Variants in PRKCE observed in about 807,000 individuals in gnomAD.
PRKCE encodes the protein protein kinase C epsilon.
Under a neutral mutation model 85.4 loss-of-function variants are expected in PRKCE, and 16 were observed. The observed-to-expected ratio is 0.19, with a 90% confidence interval of 0.13 to 0.28. The LOEUF (loss-of-function observed/expected upper bound fraction) is 0.28, where lower values mean the gene tolerates loss of function less well. Ranked by LOEUF, PRKCE falls within the 10% of genes least tolerant of loss-of-function variation. The probability of loss-of-function intolerance (pLI) is 1.00; values close to 1 mark genes in which losing one functional copy is unlikely to be tolerated. For missense variants in PRKCE, 573 were observed against 975.2 expected (o/e 0.59, Z 5.49); for synonymous variants, 388 against 371.5 (o/e 1.04, Z -0.51).
At chr2:46,065,263 T>C (rs923303002) in intron 10 of PRKCE, among the ~76,000 whole-genome samples, 12 of 152,032 alleles carry the variant, frequency 7.9e-5, no homozygotes, top group Non-Finnish European at 5.9e-5. Context: ...TTATCTAGTA[T>C]TCAGGGGCCA....
chr2:46,095,330 G>A (rs964957833), intron 11 of PRKCE, among the ~76,000 whole-genome samples: 2 of 152,106 alleles, frequency 1.3e-5, no homozygotes, highest in Non-Finnish European at 2.9e-5. Context: ...TAGAGGACCC[G>A]GCTTCCAGAA....
intron 11 of PRKCE, among the ~76,000 whole-genome samples, chr2:46,105,268 A>G (rs892351371): frequency 1.3e-5 from 2 of 152,054 alleles, no homozygotes; most frequent in African/African-American, 4.8e-5. Context: ...TTGCTTTATC[A>G]TATAACTTCC....
chr2:45,946,687 A>G (rs1043791698), intron 2 of PRKCE, among the ~76,000 whole-genome samples: 14 of 152,188 alleles, frequency 9.2e-5, no homozygotes, highest in African/African-American at 1.9e-4. Flanking sequence ...CAGAGGAACC[A>G]GGTTGTGATA....
At chr2:46,015,251 A>G (rs982901348) in intron 10 of PRKCE, among the ~76,000 whole-genome samples, 1 of 152,116 alleles carries the variant, frequency 6.6e-6, no homozygotes, top group Admixed American at 6.6e-5. Context: ...AGTTACAGGA[A>G]ATGAAATTCC....
intron 1 of PRKCE, among the ~76,000 whole-genome samples, chr2:45,783,397 C>A (rs376760123): frequency 4.8e-4 from 73 of 152,322 alleles, no homozygotes; most frequent in African/African-American, 1.6e-3. Context: ...CCGAAGGCTG[C>A]ACCCTGTTGG....
chr2:45,922,653 C>G lies in PRKCE; in HGVS notation c.413-53776C>G, dbSNP rs187559218. On this transcript the variant is annotated intron_variant, in intron 2 of 14. Coordinates refer to ENST00000306156, the MANE Select transcript of PRKCE (RefSeq NM_005400.3). Reference sequence around the variant, plus strand: ...GCCCAGCAGCAACTGCCTGGGGTGCCGTCAGCTCAAGCTGCACTTACCATG... The same window carrying G: ...GCCCAGCAGCAACTGCCTGGGGTGCGGTCAGCTCAAGCTGCACTTACCATG... Among the ~76,000 whole-genome samples, 1,076 of 152,264 alleles carry G rather than the reference C, an allele frequency of 7.1e-3. 7 individuals carry two copies. Among genetic ancestry groups the G allele is most frequent in the Non-Finnish European group, 0.011 (769 of 68,002 alleles).
At chr2:46,156,008 A>C (rs1366203184) in intron 13 of PRKCE, among the ~76,000 whole-genome samples, 3 of 151,366 alleles carry the variant, frequency 2.0e-5, no homozygotes, top group Non-Finnish European at 4.4e-5. Context: ...AGTATATAAA[A>C]AAAAAAAAAA....
chr2:45,688,074 C>G (rs533567909), intron 1 of PRKCE, among the ~76,000 whole-genome samples: 1 of 152,310 alleles, frequency 6.6e-6, no homozygotes, highest in South Asian at 2.1e-4. Flanking sequence ...TCTTGACACC[C>G]AGCAAATAAG....
rs575913130 is a variant in PRKCE at position 46,157,704 on chromosome 2, A to T, written c.1921-1902A>T. Among the ~76,000 whole-genome samples the T allele has an allele frequency of 2.6e-5, 4 of 152,350 alleles. 1 individual carries two copies. Among genetic ancestry groups the T allele is most frequent in the South Asian group, 4.1e-4 (2 of 4,826 alleles). On this transcript the variant is annotated intron_variant, in intron 13 of 14. Coordinates refer to ENST00000306156, the MANE Select transcript of PRKCE (RefSeq NM_005400.3). ...TCTGGCTCAGGGGCAGCTTCTTAAGATGCCCAAACCTCTATGTGTATCCCT... is the reference window on the plus strand; with the variant it reads ...TCTGGCTCAGGGGCAGCTTCTTAAGTTGCCCAAACCTCTATGTGTATCCCT...
intron 2 of PRKCE, among the ~76,000 whole-genome samples, chr2:45,844,373 C>G (rs1215982553): frequency 6.6e-6 from 1 of 152,214 alleles, no homozygotes; most frequent in Admixed American, 6.5e-5. Flanking sequence ...TCTCTGCTCT[C>G]AGCTCTGAAC....
chr2:46,185,140 T>C lies in PRKCE; in HGVS notation c.*259T>C. On this transcript the variant is annotated 3_prime_UTR_variant, in exon 15 of 15. Coordinates refer to ENST00000306156, the MANE Select transcript of PRKCE (RefSeq NM_005400.3). This position sits in a 1 kb window ranked among gnomAD's most constrained non-coding sequence, Gnocchi z 4.7. Reference sequence around the variant, plus strand: ...GCAATTAGCTGTATACACTGCCGTGTTTGGACCATTGGCAAGCCTGGTTCC... The same window carrying C: ...GCAATTAGCTGTATACACTGCCGTGCTTGGACCATTGGCAAGCCTGGTTCC... 2.3e-6 allele frequency: 1 copy of C among 426,576 alleles called. No homozygotes were observed. The highest frequency in any genetic ancestry group is 4.2e-6 in the Non-Finnish European group (1 of 240,508). 26.4% of individuals were successfully genotyped at this position (426,576 alleles called of 1,614,324 possible).
At chr2:46,106,571 A>C (rs921899408) in intron 11 of PRKCE, among the ~76,000 whole-genome samples, 1 of 152,258 alleles carries the variant, frequency 6.6e-6, no homozygotes, top group Non-Finnish European at 1.5e-5. Flanking sequence ...TCCAAGGGCC[A>C]TAACAGAAGT....
chr2:46,020,848 C>T (rs928069862), intron 10 of PRKCE, among the ~76,000 whole-genome samples: 7 of 152,156 alleles, frequency 4.6e-5, no homozygotes, highest in African/African-American at 1.4e-4. Flanking sequence ...GAAGGAGAGA[C>T]GTATTTATTG....
intron 2 of PRKCE, among the ~76,000 whole-genome samples, chr2:45,896,286 G>A (rs977490106): frequency 2.6e-5 from 4 of 152,278 alleles, no homozygotes; most frequent in Non-Finnish European, 4.4e-5. Context: ...GTCTGGCCTC[G>A]AACTCTGGAG....
At chr2:46,019,252 G>GT (rs957372223) in intron 10 of PRKCE, among the ~76,000 whole-genome samples, 1 of 152,060 alleles carries the variant, frequency 6.6e-6, no homozygotes. Flanking sequence ...GCCTGTATGA[G>GT]TTTTTTTTCA....
At chr2:46,174,980 C>G (rs1679286562) in intron 14 of PRKCE, among the ~76,000 whole-genome samples, 1 of 152,098 alleles carries the variant, frequency 6.6e-6, no homozygotes, top group Admixed American at 6.5e-5. Context: ...CATGAACCAC[C>G]ACGCCCAGCC....
intron 5 of PRKCE, among the ~76,000 whole-genome samples, chr2:45,980,650 TC>T (rs895179506): frequency 1.3e-5 from 2 of 152,164 alleles, no homozygotes; most frequent in Non-Finnish European, 2.9e-5. Context: ...AAATATGAAT[TC>T]TTTTATTGCA....
intron 1 of PRKCE, among the ~76,000 whole-genome samples, chr2:45,838,689 T>C (rs1379686856): frequency 6.6e-6 from 1 of 152,142 alleles, no homozygotes; most frequent in East Asian, 1.9e-4. Flanking sequence ...AGTGGCGCAT[T>C]GCAGCCTGGA....
intron 1 of PRKCE, among the ~76,000 whole-genome samples, chr2:45,674,087 A>T (rs1572902623): frequency 6.6e-6 from 1 of 152,186 alleles, no homozygotes; most frequent in Non-Finnish European, 1.5e-5. Context: ...TTTATTGGAA[A>T]ATATTTTTTA....
Sources: gnomAD v4.1 joint callset for allele counts (sites outside exome capture counted in the v4.1 genomes callset) on GRCh38, gnomAD v4.1.1 for gene constraint, Gnocchi (gnomAD v3.1) non-coding constraint, MANE v1.5 for transcripts, NCBI Gene and HGNC (gene_info 2026-07-23, HGNC 2026-07-21) for gene names.